RBFOX1: variants seen among roughly 807,000 people sequenced by gnomAD.
RBFOX1 encodes RNA binding protein fox-1 homolog 1.
A neutral mutation model predicts 57.7 loss-of-function variants in RBFOX1; 8 were observed. The ratio of observed to expected loss-of-function variants is 0.14; its 90% confidence interval spans 0.08 to 0.25. RBFOX1 has a LOEUF of 0.25. Among genes scored for constraint, RBFOX1 ranks in the 10% least tolerant of loss-of-function variants. The pLI is 1.00. For synonymous variants in RBFOX1, 326 were observed against 222.4 expected (o/e 1.47, Z -4.15); for missense variants, 611 against 548.5 (o/e 1.11, Z -1.14).
chr16:6,069,964 G>T (rs2095815944), intron 1 of RBFOX1, among the ~76,000 whole-genome samples: 1 of 152,154 alleles, frequency 6.6e-6, no homozygotes, highest in Non-Finnish European at 1.5e-5. Context: ...TCCAGCCTGG[G>T]TGACAGAGGG....
intron 3 of RBFOX1, among the ~76,000 whole-genome samples, chr16:5,675,082 A>G (rs1325077865): frequency 6.6e-6 from 1 of 152,152 alleles, no homozygotes; most frequent in Non-Finnish European, 1.5e-5. Context: ...CAAGAGGTCA[A>G]GGCTGCAGTG....
intron 3 of RBFOX1, among the ~76,000 whole-genome samples, chr16:6,821,132 T>C (rs1056323696): frequency 7.2e-5 from 11 of 152,214 alleles, no homozygotes; most frequent in African/African-American, 1.4e-4. Flanking sequence ...AGTGATGAGA[T>C]TCAGTGCCAG....
chr16:7,692,828 A>G (rs910375774), intron 14 of RBFOX1, among the ~76,000 whole-genome samples: 1 of 152,134 alleles, frequency 6.6e-6, no homozygotes, highest in Non-Finnish European at 1.5e-5. Flanking sequence ...TGATGAGGAA[A>G]TTATTATCCA....
At chr16:7,009,114 CTCCCTCCCTTCCTCCCTCCA>C (rs1312126278) in intron 3 of RBFOX1, among the ~76,000 whole-genome samples, 1 of 5,176 alleles carries the variant, frequency 1.9e-4, no homozygotes, top group Non-Finnish European at 6.5e-4. Flanking sequence ...CCCTCCCTTC[CTCCCTCCCTTCCTCCCTCCA>C]TCCCTCCCTC....
intron 3 of RBFOX1, among the ~76,000 whole-genome samples, chr16:6,760,231 T>G (rs1017885833): frequency 6.6e-6 from 1 of 152,230 alleles, no homozygotes; most frequent in African/African-American, 2.4e-5. Flanking sequence ...TCCTCATGTC[T>G]TTAAGCAGGA....
At chr16:7,272,863 C>T (rs993661611) in intron 4 of RBFOX1, among the ~76,000 whole-genome samples, 4 of 137,132 alleles carry the variant, frequency 2.9e-5, no homozygotes, top group South Asian at 2.5e-4. Context: ...TCTTCCCTTC[C>T]GTTCTTCCCT....
chr16:7,023,870 C>T lies in RBFOX1; in HGVS notation c.-15-28187C>T, dbSNP rs117061809. ...TATTCATCATCCCTATATATATTTCCCACAGGATCAAAGTATATCGAGTTT... is the reference window on the plus strand; with the variant it reads ...TATTCATCATCCCTATATATATTTCTCACAGGATCAAAGTATATCGAGTTT... On this transcript the variant is annotated intron_variant, in intron 3 of 15. Coordinates refer to ENST00000550418, the MANE Select transcript of RBFOX1 (RefSeq NM_018723.4). Among the ~76,000 whole-genome samples, 118 of 152,140 alleles carry T rather than the reference C, an allele frequency of 7.8e-4. 3 individuals carry two copies. The East Asian group carries it at 0.014, about 18-fold the overall frequency.
intron 3 of RBFOX1, among the ~76,000 whole-genome samples, chr16:6,779,085 T>C (rs1243701200): frequency 6.6e-6 from 1 of 152,070 alleles, no homozygotes; most frequent in African/African-American, 2.4e-5. Context: ...TGTCCTATTG[T>C]GCTAGTGAAT....
At chr16:7,072,382 G>A (rs1000287875) in intron 4 of RBFOX1, among the ~76,000 whole-genome samples, 8 of 152,036 alleles carry the variant, frequency 5.3e-5, no homozygotes, top group Non-Finnish European at 7.4e-5. Flanking sequence ...TGGTTTACTT[G>A]GTCATGGTTT....
downstream of RBFOX1, among the ~76,000 whole-genome samples, chr16:5,603,447 G>A (rs1249376680): frequency 6.6e-6 from 1 of 152,148 alleles, no homozygotes; most frequent in Non-Finnish European, 1.5e-5. Context: ...ATGCTGCATT[G>A]AGCTGAGGGG....
chr16:5,774,749 C>T (rs1012838538), intron 3 of RBFOX1, among the ~76,000 whole-genome samples: 1 of 152,146 alleles, frequency 6.6e-6, no homozygotes, highest in Non-Finnish European at 1.5e-5. Flanking sequence ...GTGGCGCAAT[C>T]TTGGCTCACG....
intron 1 of RBFOX1, among the ~76,000 whole-genome samples, chr16:6,106,736 C>G (rs1298693530): frequency 6.6e-6 from 1 of 152,072 alleles, no homozygotes; most frequent in African/African-American, 2.4e-5. Context: ...GGCCTGATCT[C>G]AGCTCACTGC....
At chr16:5,970,925 C>T (rs1300191024) in intron 4 of RBFOX1, among the ~76,000 whole-genome samples, 2 of 152,078 alleles carry the variant, frequency 1.3e-5, no homozygotes, top group African/African-American at 4.8e-5. Context: ...CTCAGTGCAC[C>T]CTAAAGCACA....
chr16:7,013,040 T>G (rs1210775644), intron 3 of RBFOX1, among the ~76,000 whole-genome samples: 1 of 152,108 alleles, frequency 6.6e-6, no homozygotes, highest in East Asian at 1.9e-4. Flanking sequence ...TCTCTTTCTC[T>G]CCTTTTAAGG....
chr16:6,597,556 C>T (rs1423365992), intron 2 of RBFOX1, among the ~76,000 whole-genome samples: 1 of 152,022 alleles, frequency 6.6e-6, no homozygotes, highest in East Asian at 1.9e-4. Flanking sequence ...GCCTGTAGTC[C>T]CAGCTATTCG....
In RBFOX1 at chr16:5,920,513, G is replaced by C. The variant is rs1292606514; in HGVS notation, c.351+53178G>C. Among the ~76,000 whole-genome samples the C allele has an allele frequency of 2.0e-5, 3 of 152,236 alleles. 1 individual carries two copies. The South Asian group carries it at 6.2e-4, about 32-fold the overall frequency. ...TATGGCAATTCGTTAACTTATAGGG[G>C]AACTGATCACAGCTTTTTGAGTGTG... On this transcript the variant is annotated intron_variant, in intron 4 of 19. Transcript: ENST00000641259.
At chr16:5,450,431 G>C (rs1474203140) in intron 1 of RBFOX1, among the ~76,000 whole-genome samples, 1 of 152,158 alleles carries the variant, frequency 6.6e-6, no homozygotes, top group East Asian at 1.9e-4. Flanking sequence ...AGCCAGTGTG[G>C]AGGGCCCCTT....
At chr16:6,373,195 CG>C (rs1276630905) in intron 2 of RBFOX1, among the ~76,000 whole-genome samples, 18 of 148,700 alleles carry the variant, frequency 1.2e-4, no homozygotes, top group African/African-American at 4.5e-4. Context: ...GGAGATTCAG[CG>C]GAAGTGTATA....
chr16:6,648,249 C>T (rs915898890), intron 2 of RBFOX1, among the ~76,000 whole-genome samples: 1 of 151,692 alleles, frequency 6.6e-6, no homozygotes, highest in African/African-American at 2.4e-5. Context: ...TTTGTAGAGA[C>T]ACTGTCTCCC....
Sources: allele counts gnomAD v4.1 joint callset (sites outside exome capture counted in the v4.1 genomes callset), GRCh38; gene constraint gnomAD v4.1.1; transcripts MANE v1.5; gene names NCBI Gene and HGNC (gene_info 2026-07-23, HGNC 2026-07-21).